ANKRD50: variants seen among roughly 807,000 people sequenced by gnomAD.
The protein encoded by ANKRD50 is ankyrin repeat domain 50, also known as ankyrin repeat domain-containing protein 50.
Under a neutral mutation model 112.0 loss-of-function variants are expected in ANKRD50, and 40 were observed. The ratio of observed to expected loss-of-function variants is 0.36; its 90% CI spans 0.28 to 0.46. The LOEUF is 0.46. ANKRD50 is among the 20% of genes least tolerant of loss of function. ANKRD50 has a pLI of 1.00. For synonymous variants in ANKRD50, 613 were observed against 619.1 expected (o/e 0.99, Z 0.15); for missense variants, 1,487 against 1,701.7 (o/e 0.87, Z 2.22).
At chr4:124,680,157 C>T (rs911704670) in intron 2 of ANKRD50, among the ~76,000 whole-genome samples, 1 of 152,114 alleles carries the variant, frequency 6.6e-6, no homozygotes, top group African/African-American at 2.4e-5. Flanking sequence ...AACAAATTTG[C>T]AATTTTATAT....
chr4:124,711,546 G>A (rs1269526533), intron 1 of ANKRD50, among the ~76,000 whole-genome samples: 1 of 152,114 alleles, frequency 6.6e-6, no homozygotes. Context: ...AGGAGGGGGG[G>A]AGAAACTTTA....
chr4:124,702,242 A>G (rs1341362792), intron 2 of ANKRD50, among the ~76,000 whole-genome samples: 1 of 152,230 alleles, frequency 6.6e-6, no homozygotes, highest in Non-Finnish European at 1.5e-5. Flanking sequence ...GGAATGTCCT[A>G]AAGAAAACAC....
At chr4:124,679,123 G>GGTGGGTGT (rs1044080037) in intron 2 of ANKRD50, among the ~76,000 whole-genome samples, 1 of 152,152 alleles carries the variant, frequency 6.6e-6, no homozygotes, top group Non-Finnish European at 1.5e-5. Context: ...ATCAAGAGTA[G>GGTGGGTGT]GTGGGTGTGT....
rs749082782 is a variant in ANKRD50, at chr4:124,678,863, T to C, written c.555A>G (p.Gln185=). ...CAGAATCAACAAGCAGGTATAGGCT[T>C]TGCTGGGGAGGCTTCATTCCCAGAA... ...LPLLGMKPPQ[Q]SLYLLVDSVD... Residue 185 remains glutamine (Q), a synonymous_variant, in exon 3 of 5, where the codon CAA becomes CAG. Transcript: ENST00000504087. 3.7e-6 allele frequency: 6 copies of C among 1,613,744 alleles called. No individual in the cohort carries two copies. The highest frequency in any genetic ancestry group is 5.1e-6 in the Non-Finnish European group (6 of 1,179,730).
rs1194967444 is a variant in ANKRD50, at chr4:124,669,478, C to T, written c.3799G>A (p.Ala1267Thr). 2 of 1,612,152 alleles carry T rather than the reference C, an allele frequency of 1.2e-6. No individual in the cohort carries two copies. The highest frequency in any genetic ancestry group is 1.7e-6 in the Non-Finnish European group (2 of 1,179,516). The change falls in exon 4 of 5, where the codon GCA (alanine) becomes ACA (threonine). Residue 1267 changes from alanine to threonine, a missense_variant. By Grantham distance (58) the Ala-to-Thr change is moderately conservative. Coordinates refer to ENST00000504087, the MANE Select transcript of ANKRD50 (RefSeq NM_020337.3). ...TTTTCTGATTTCCCCCCTTTACTTG[C>T]TTTAGTTGACTTCAAACTGGGCTTT... ...QVKPSLKSTKASKGGKSENSA... is the reference protein window; with the variant it reads ...QVKPSLKSTKTSKGGKSENSA...
chr4:124,690,825 G>A (rs927704135), intron 2 of ANKRD50, among the ~76,000 whole-genome samples: 2 of 152,124 alleles, frequency 1.3e-5, no homozygotes, highest in African/African-American at 4.8e-5. Context: ...TGTGAGAGAT[G>A]GCAAGACCAA....
rs1310637800 is a variant in ANKRD50, at chr4:124,664,574, C to T, written c.*2944G>A. 1 of 152,234 alleles carries T rather than the reference C, an allele frequency of 6.6e-6. No individual in the cohort carries two copies. Among genetic ancestry groups the T allele is most frequent in the Non-Finnish European group, 1.5e-5 (1 of 67,880 alleles). The allele number at this position is 152,234 out of a possible 1,614,324, so 9.4% of individuals were successfully genotyped here. On this transcript the variant is annotated 3_prime_UTR_variant, in exon 5 of 5. Coordinates refer to ENST00000504087, the MANE Select transcript of ANKRD50 (RefSeq NM_020337.3). ...TACAAGGGATAAAATAAAACTTTTA[C>T]AATGTGAAATTCAATGTACATTTTT...
At chr4:124,682,171 C>G (rs1449632125) in intron 2 of ANKRD50, among the ~76,000 whole-genome samples, 2 of 151,652 alleles carry the variant, frequency 1.3e-5, no homozygotes, top group Non-Finnish European at 2.9e-5. Context: ...AAAAAATTAG[C>G]CGGGCGCGGT....
intron 2 of ANKRD50, among the ~76,000 whole-genome samples, chr4:124,696,379 G>A (rs1161502673): frequency 6.6e-6 from 1 of 152,008 alleles, no homozygotes; most frequent in Non-Finnish European, 1.5e-5. Context: ...AAAGATGTGT[G>A]GAACACAGTT....
chr4:124,704,560 A>G (rs1003124724), intron 2 of ANKRD50, among the ~76,000 whole-genome samples: 2 of 152,234 alleles, frequency 1.3e-5, no homozygotes, highest in African/African-American at 2.4e-5. Context: ...CCTAAATCAC[A>G]TAACATTTCA....
chr4:124,702,074 C>T (rs1578593081), intron 2 of ANKRD50, among the ~76,000 whole-genome samples: 1 of 152,098 alleles, frequency 6.6e-6, no homozygotes, highest in Non-Finnish European at 1.5e-5. Flanking sequence ...TAATATGTCT[C>T]ATAGACTTAA....
At chr4:124,708,072 G>A (rs979968344) in intron 2 of ANKRD50, among the ~76,000 whole-genome samples, 3 of 151,962 alleles carry the variant, frequency 2.0e-5, no homozygotes, top group African/African-American at 7.3e-5. Context: ...GAAAGTTATT[G>A]GTAGGTGTCA....
At chr4:124,701,235 T>A (rs998763298) in intron 2 of ANKRD50, among the ~76,000 whole-genome samples, 3 of 152,128 alleles carry the variant, frequency 2.0e-5, no homozygotes, top group Non-Finnish European at 4.4e-5. Context: ...AGTGCTGGGA[T>A]TACAGGCGTG....
Position 124,671,164 on chromosome 4 carries a change from G to A in ANKRD50, c.2113C>T (p.His705Tyr). The A allele has an allele frequency of 1.2e-6, 2 of 1,613,840 alleles. No individual in the cohort carries two copies. Among genetic ancestry groups the A allele is most frequent in the Non-Finnish European group, 1.7e-6 (2 of 1,179,868 alleles). Residue 705 changes from histidine (H) to tyrosine (Y), a missense_variant, in exon 4 of 5, where the codon CAT (histidine) becomes TAT (tyrosine). By Grantham distance (83) the His-to-Tyr change is moderately conservative. Transcript: ENST00000504087. ...GCAGTCCTGCCATCAACATCCTCAT[G>A]ATTTACTTCTGCTCCATGGTCCAGT... The part of the protein sequence containing the change: ...HLLDHGAEVN[H>Y]EDVDGRTALS...
At chr4:124,708,379 A>C (rs1725552648) in intron 2 of ANKRD50, among the ~76,000 whole-genome samples, 1 of 152,164 alleles carries the variant, frequency 6.6e-6, no homozygotes, top group Non-Finnish European at 1.5e-5. Context: ...GGCTAACAAC[A>C]AAAGATAATA....
Position 124,665,337 on chromosome 4 carries a change from T to C in ANKRD50, c.*2181A>G, listed in dbSNP as rs1730461586. Reference sequence around the variant, plus strand: ...GCTTCAAGTGTATATAGTATGGATATGAAAACAGTTAGCTCTTTGAAAAAC... The same window carrying C: ...GCTTCAAGTGTATATAGTATGGATACGAAAACAGTTAGCTCTTTGAAAAAC... On this transcript the variant is annotated 3_prime_UTR_variant, in exon 5 of 5. Transcript: ENST00000504087. 6.6e-6 allele frequency: 1 copy of C among 152,404 alleles called. No homozygotes were observed. Among genetic ancestry groups the C allele is most frequent in the African/African-American group, 2.4e-5 (1 of 41,438 alleles). The allele number at this position is 152,404 out of a possible 1,614,324, so 9.4% of individuals were successfully genotyped here. A position where few individuals can be genotyped will look rare whatever the true frequency, so the allele number is the denominator to read the frequency against.
At position 124,710,928 on chromosome 4, in the gene ANKRD50, T is replaced by C. The variant is rs1725614312; in HGVS notation, c.-417A>G. ...GCTTCTCCAGATTCCAAGTGTTAAT[T>C]CTGCATCTGACAATTAGATTCTGAA... is the stretch of plus-strand genomic sequence containing the variant. On this transcript the variant is annotated 5_prime_UTR_variant, in exon 2 of 5. Coordinates refer to ENST00000504087, the MANE Select transcript of ANKRD50 (RefSeq NM_020337.3). The C allele has an allele frequency of 2.4e-6, 1 of 422,630 alleles. No individual in the cohort carries two copies. The highest frequency in any genetic ancestry group is 2.0e-5 in the African/African-American group (1 of 49,340). 26.2% of individuals were successfully genotyped at this position (422,630 alleles called of 1,614,324 possible). A position where few individuals can be genotyped will look rare whatever the true frequency, so the allele number is the denominator to read the frequency against.
At position 124,671,484 on chromosome 4, in the gene ANKRD50, A is replaced by G. The variant is rs1180805260; in HGVS notation, c.1793T>C (p.Ile598Thr). 3 of 1,613,706 alleles carry G rather than the reference A, an allele frequency of 1.9e-6. No individual in the cohort carries two copies. Among genetic ancestry groups the G allele is most frequent in the South Asian group, 2.2e-5 (2 of 91,074 alleles). Residue 598 changes from isoleucine (I) to threonine (T), a missense_variant, in exon 4 of 5, where the codon ATT (isoleucine) becomes ACT (threonine). By Grantham distance (89) the Ile-to-Thr change is moderately conservative (BLOSUM62 -1). Around this residue, in one of 2 missense-constraint regions of ANKRD50, gnomAD observed 1,046 missense variants for 1,269.5 expected, o/e 0.82. Transcript: ENST00000504087. ...ATGATTAATATTTGCTCCACACCCA[A>G]TCAAACAATTAACCACCTTGGTATG... ...QGHTKVVNCL[I>T]GCGANINHTD... is the part of the protein sequence containing the mutation.
At chr4:124,680,644 T>C (rs1188192373) in intron 2 of ANKRD50, among the ~76,000 whole-genome samples, 2 of 152,170 alleles carry the variant, frequency 1.3e-5, no homozygotes, top group Non-Finnish European at 2.9e-5. Context: ...AGTCATATAG[T>C]ACAATATATA....
Sources: allele counts gnomAD v4.1 joint callset (sites outside exome capture counted in the v4.1 genomes callset), GRCh38; gene constraint gnomAD v4.1.1; regional missense constraint gnomAD v4.1.1; transcripts MANE v1.5; gene names NCBI Gene and HGNC (gene_info 2026-07-23, HGNC 2026-07-21).